Variants in MOB3B observed in about 807,000 individuals in gnomAD.
MOB3B encodes MOB kinase activator 3B, also known as MOB kinase activator-like 2B.
MOB3B carries 7 observed loss-of-function variants against 18.7 expected under a neutral mutation model. The observed-to-expected ratio is 0.37, with a 90% CI of 0.21 to 0.70. The LOEUF is 0.70. Ranked by LOEUF, MOB3B falls within the 30% of genes least tolerant of loss-of-function variation. The pLI is 0.52. For synonymous variants in MOB3B, 111 were observed against 99.9 expected (o/e 1.11, Z -0.66); for missense variants, 253 against 281.3 (o/e 0.90, Z 0.72).
intron 1 of MOB3B, among the ~76,000 whole-genome samples, chr9:27,465,921 C>G (rs753880906): frequency 3.5e-4 from 54 of 152,168 alleles, no homozygotes; most frequent in Non-Finnish European, 6.6e-4. Flanking sequence ...CCACTTTTTC[C>G]TGCTGGGCCT....
At chr9:27,447,255 G>A (rs746655495) in intron 2 of MOB3B, among the ~76,000 whole-genome samples, 7 of 152,172 alleles carry the variant, frequency 4.6e-5, no homozygotes, top group Non-Finnish European at 8.8e-5. Flanking sequence ...TCTGGTGTCA[G>A]GGCCCTGCTG....
At chr9:27,422,923 G>C (rs1339446983) in intron 2 of MOB3B, among the ~76,000 whole-genome samples, 1 of 152,142 alleles carries the variant, frequency 6.6e-6, no homozygotes, top group Non-Finnish European at 1.5e-5. Flanking sequence ...TATCTTGATA[G>C]GGTCTGGAAA....
chr9:27,501,943 C>T (rs925923637), intron 1 of MOB3B, among the ~76,000 whole-genome samples: 8 of 152,130 alleles, frequency 5.3e-5, no homozygotes, highest in African/African-American at 1.4e-4. Context: ...CAAGTTTTAC[C>T]TGTGTAGTCC....
chr9:27,511,677 C>T (rs1820148733), intron 1 of MOB3B, among the ~76,000 whole-genome samples: 1 of 152,160 alleles, frequency 6.6e-6, no homozygotes. Context: ...AACAGTACTT[C>T]TACTCTTTCA....
At chr9:27,449,160 G>A (rs574241412) in intron 2 of MOB3B, among the ~76,000 whole-genome samples, 1 of 152,300 alleles carries the variant, frequency 6.6e-6, no homozygotes, top group Non-Finnish European at 1.5e-5. Context: ...ATTTTCCAAA[G>A]GCTCTGAGAG....
chr9:27,503,344 C>T (rs576349084), intron 1 of MOB3B, among the ~76,000 whole-genome samples: 1 of 152,318 alleles, frequency 6.6e-6, no homozygotes, highest in African/African-American at 2.4e-5. Flanking sequence ...CAATTCAGAG[C>T]CCAAATGCCC....
At chr9:27,502,159 A>G (rs1053152888) in intron 1 of MOB3B, among the ~76,000 whole-genome samples, 2 of 152,164 alleles carry the variant, frequency 1.3e-5, no homozygotes, top group Admixed American at 6.5e-5. Context: ...CTCTACTTAC[A>G]TACTTCACTG....
Position 27,330,583 on chromosome 9 carries a change from A to T in MOB3B, c.*4T>A. On this transcript the variant is annotated 3_prime_UTR_variant, in exon 4 of 4. Coordinates refer to ENST00000262244, the MANE Select transcript of MOB3B (RefSeq NM_024761.5). The stretch of plus-strand genomic sequence containing the variant: ...TCCTTTCTTCCAAAGGGTGAGGTGG[A>T]GCATTAGTGACACATCCTGCTCGTC... The T allele has an allele frequency of 6.2e-7, 1 of 1,613,932 alleles. No individual in the cohort carries two copies. The highest frequency in any genetic ancestry group is 1.1e-5 in the South Asian group (1 of 91,012).
intron 2 of MOB3B, among the ~76,000 whole-genome samples, chr9:27,363,370 G>T (rs918259571): frequency 2.6e-5 from 4 of 152,114 alleles, no homozygotes; most frequent in Non-Finnish European, 4.4e-5. Flanking sequence ...CCAGGTTCAT[G>T]CCATTCTCCT....
chr9:27,428,792 G>A (rs1822375604), intron 2 of MOB3B, among the ~76,000 whole-genome samples: 1 of 152,164 alleles, frequency 6.6e-6, no homozygotes, highest in Non-Finnish European at 1.5e-5. Context: ...GGGACCATGT[G>A]GGCTGGAACA....
chr9:27,369,022 A>G (rs1330762338), intron 2 of MOB3B, among the ~76,000 whole-genome samples: 1 of 152,212 alleles, frequency 6.6e-6, no homozygotes, highest in Non-Finnish European at 1.5e-5. Context: ...GATTGACAAT[A>G]AAAGCCATTA....
At chr9:27,353,766 T>C (rs1821144088) in intron 3 of MOB3B, among the ~76,000 whole-genome samples, 1 of 152,226 alleles carries the variant, frequency 6.6e-6, no homozygotes, top group Non-Finnish European at 1.5e-5. Flanking sequence ...CTGAGTCTGC[T>C]TTTGTTTTCA....
At chr9:27,441,013 CAT>C (rs1171996673) in intron 2 of MOB3B, among the ~76,000 whole-genome samples, 2 of 152,138 alleles carry the variant, frequency 1.3e-5, no homozygotes, top group Non-Finnish European at 2.9e-5. Context: ...AGATCCCTCA[CAT>C]GTGCAGTTCA....
At chr9:27,380,472 C>G (rs1037503278) in intron 2 of MOB3B, among the ~76,000 whole-genome samples, 3 of 151,974 alleles carry the variant, frequency 2.0e-5, no homozygotes, top group East Asian at 3.9e-4. Flanking sequence ...CTCTTGACCT[C>G]GTGATCCACC....
At chr9:27,337,381 C>G (rs1022367822) in intron 3 of MOB3B, among the ~76,000 whole-genome samples, 5 of 152,232 alleles carry the variant, frequency 3.3e-5, no homozygotes, top group African/African-American at 1.2e-4. Context: ...AATTCCCTCT[C>G]TCATGGCTTT....
At chr9:27,390,336 G>C (rs888622531) in intron 2 of MOB3B, among the ~76,000 whole-genome samples, 2 of 152,104 alleles carry the variant, frequency 1.3e-5, no homozygotes, top group African/African-American at 4.8e-5. Flanking sequence ...TGCCTCCTCT[G>C]GGGTTACAGG....
chr9:27,454,188 G>A (rs958017177), intron 2 of MOB3B, among the ~76,000 whole-genome samples: 7 of 152,204 alleles, frequency 4.6e-5, no homozygotes, highest in South Asian at 4.1e-4. Context: ...GCTATGTGGG[G>A]ACACATCCTA....
intron 2 of MOB3B, among the ~76,000 whole-genome samples, chr9:27,360,373 C>T (rs28512185): frequency 0.04 from 6,130 of 152,218 alleles, 435 homozygotes; most frequent in African/African-American, 0.14. Context: ...GGGCATGTGG[C>T]GTGCGCCTGT....
chr9:27,437,678 A>G (rs1230556077), intron 2 of MOB3B, among the ~76,000 whole-genome samples: 1 of 152,208 alleles, frequency 6.6e-6, no homozygotes, highest in African/African-American at 2.4e-5. Flanking sequence ...GATGCATTTT[A>G]CATTTGTCAA....
Sources: gnomAD v4.1 joint callset for allele counts (sites outside exome capture counted in the v4.1 genomes callset) on GRCh38, gnomAD v4.1.1 for gene constraint, MANE v1.5 for transcripts, NCBI Gene and HGNC (gene_info 2026-07-23, HGNC 2026-07-21) for gene names.